TMTC1: variants seen among roughly 807,000 people sequenced by gnomAD.
TMTC1 encodes the protein transmembrane O-mannosyltransferase targeting cadherins 1.
TMTC1 carries 73 observed loss-of-function variants against 104.8 expected under a neutral mutation model. That is an observed-to-expected ratio of 0.70 (90% CI 0.58 to 0.85). The LOEUF is 0.85. TMTC1 is among the 40% of genes least tolerant of loss of function. The pLI is 0.00. For missense variants in TMTC1, 1,035 were observed against 1,096.1 expected, an observed-to-expected ratio of 0.94 and a Z score of 0.79; for synonymous variants, 434 against 428.7, an observed-to-expected ratio of 1.01 and a Z score of -0.15.
chr12:29,772,314 A>G (rs1267048528), intron 1 of TMTC1, among the ~76,000 whole-genome samples: 1 of 152,112 alleles, frequency 6.6e-6, no homozygotes, highest in African/African-American at 2.4e-5. Context: ...ACCAATTCCT[A>G]TCATATTCCT....
chr12:29,743,321 A>G (rs1462339726), intron 5 of TMTC1, among the ~76,000 whole-genome samples: 1 of 152,150 alleles, frequency 6.6e-6, no homozygotes, highest in Non-Finnish European at 1.5e-5. Context: ...TCAAAATTGT[A>G]AGCCACCTGT....
At chr12:29,780,155 G>C (rs1250714416) in intron 1 of TMTC1, among the ~76,000 whole-genome samples, 6 of 152,220 alleles carry the variant, frequency 3.9e-5, no homozygotes. Flanking sequence ...TGGGCATTTA[G>C]AACAGAGAAA....
intron 6 of TMTC1, among the ~76,000 whole-genome samples, chr12:29,606,826 C>T (rs1388567947): frequency 6.6e-6 from 1 of 152,138 alleles, no homozygotes; most frequent in African/African-American, 2.4e-5. Flanking sequence ...CGTTCTTACC[C>T]TTCCAACGCA....
intron 5 of TMTC1, among the ~76,000 whole-genome samples, chr12:29,647,262 C>T (rs1316491352): frequency 6.6e-6 from 1 of 152,064 alleles, no homozygotes; most frequent in Non-Finnish European, 1.5e-5. Context: ...TCAGGCAATC[C>T]ACCTGCTTCA....
At chr12:29,614,783 T>A (rs140322090) in intron 6 of TMTC1, among the ~76,000 whole-genome samples, 6 of 152,272 alleles carry the variant, frequency 3.9e-5, no homozygotes, top group African/African-American at 1.4e-4. Context: ...TTGGGAGTTA[T>A]ATTTTTCTTG....
intron 5 of TMTC1, among the ~76,000 whole-genome samples, chr12:29,664,067 G>T (rs1940164812): frequency 1.3e-5 from 2 of 150,106 alleles, no homozygotes; most frequent in Non-Finnish European, 3.0e-5. Flanking sequence ...GGCGCCTGTA[G>T]TCCCAGCTAC....
chr12:29,622,666 G>A (rs763612225), intron 6 of TMTC1, among the ~76,000 whole-genome samples: 4 of 152,156 alleles, frequency 2.6e-5, no homozygotes, highest in African/African-American at 4.8e-5. Flanking sequence ...AAGGGTCAGA[G>A]CACATTAGTT....
chr12:29,664,220 A>T (rs1481236894), intron 5 of TMTC1, among the ~76,000 whole-genome samples: 6 of 150,504 alleles, frequency 4.0e-5, no homozygotes, highest in African/African-American at 7.3e-5. Flanking sequence ...AAAAATAAAA[A>T]AATAAAAAAA....
At chr12:29,707,294 T>C (rs1021601588) in intron 5 of TMTC1, among the ~76,000 whole-genome samples, 3 of 152,160 alleles carry the variant, frequency 2.0e-5, no homozygotes, top group Admixed American at 6.5e-5. Context: ...CTAGCTAACA[T>C]ATTTTCGGCA....
chr12:29,526,796 G>GT (rs140889144), intron 11 of TMTC1, among the ~76,000 whole-genome samples: 2 of 151,726 alleles, frequency 1.3e-5, no homozygotes, highest in Admixed American at 6.6e-5. Flanking sequence ...CAAAAAAGTT[G>GT]TTTTTTTTCT....
At chr12:29,707,533 C>T (rs7953195) in intron 5 of TMTC1, among the ~76,000 whole-genome samples, 152,055 of 152,242 alleles carry the variant, frequency 1, 75,934 homozygotes, top group Middle Eastern at 1. Context: ...CCTTTCTCCT[C>T]TTTGAAGATC....
chr12:29,699,720 A>G (rs928604240), intron 5 of TMTC1, among the ~76,000 whole-genome samples: 4 of 128,346 alleles, frequency 3.1e-5, no homozygotes, highest in Non-Finnish European at 6.2e-5. Flanking sequence ...TGGCGCTACC[A>G]CAGCTTGCTG....
chr12:29,574,421 C>T (rs1945766046), intron 8 of TMTC1, among the ~76,000 whole-genome samples: 1 of 152,108 alleles, frequency 6.6e-6, no homozygotes, highest in Non-Finnish European at 1.5e-5. Context: ...AGGCTTTTCT[C>T]AGAGACATTA....
intron 5 of TMTC1, among the ~76,000 whole-genome samples, chr12:29,698,444 G>A (rs369536532): frequency 6.6e-6 from 1 of 152,138 alleles, no homozygotes; most frequent in African/African-American, 2.4e-5. Context: ...CATTCCAGGA[G>A]GAAATGCTTG....
At chr12:29,770,869 T>C (rs899274315) in intron 1 of TMTC1, among the ~76,000 whole-genome samples, 4 of 152,100 alleles carry the variant, frequency 2.6e-5, no homozygotes, top group Non-Finnish European at 5.9e-5. Flanking sequence ...GGAGATAATA[T>C]GGGTTCACAA....
intron 11 of TMTC1, among the ~76,000 whole-genome samples, chr12:29,522,433 T>C (rs774888428): frequency 2.0e-5 from 3 of 152,288 alleles, no homozygotes; most frequent in South Asian, 2.1e-4. Flanking sequence ...GTTTTTTAAT[T>C]GCCAAACTCA....
chr12:29,668,693 T>TTGG (rs1940387827), intron 5 of TMTC1, among the ~76,000 whole-genome samples: 5 of 152,114 alleles, frequency 3.3e-5, no homozygotes, highest in Admixed American at 2.0e-4. Flanking sequence ...ACTCCTGACC[T>TTGG]CAGGTGATCC....
intron 7 of TMTC1, among the ~76,000 whole-genome samples, chr12:29,601,603 T>G: frequency 6.6e-6 from 1 of 151,590 alleles, no homozygotes; most frequent in East Asian, 1.9e-4. Flanking sequence ...GGAAGCAATA[T>G]AGTCTGGAAG....
At chr12:29,716,932 G>A (rs941027660) in intron 5 of TMTC1, among the ~76,000 whole-genome samples, 8 of 151,996 alleles carry the variant, frequency 5.3e-5, no homozygotes, top group East Asian at 1.9e-4. Context: ...GGAGAATGGC[G>A]TGAACCTGGG....
Sources: gnomAD v4.1 joint callset for allele counts (sites outside exome capture counted in the v4.1 genomes callset) on GRCh38, gnomAD v4.1.1 for gene constraint, MANE v1.5 for transcripts, NCBI Gene and HGNC (gene_info 2026-07-23, HGNC 2026-07-21) for gene names.